Variants in ARHGEF12 observed in about 807,000 individuals in gnomAD.
ARHGEF12 encodes the protein KMT2A/ARHGEF12 fusion protein.
A neutral mutation model predicts 211.2 loss-of-function variants in ARHGEF12; 66 were observed. The observed-to-expected ratio is 0.31, with a 90% confidence interval of 0.26 to 0.38. ARHGEF12 has a LOEUF of 0.38. Among genes scored for constraint, ARHGEF12 ranks in the 10% least tolerant of loss-of-function variants. The probability of loss-of-function intolerance (pLI) is 1.00; values close to 1 mark genes in which losing one functional copy is unlikely to be tolerated. For synonymous variants in ARHGEF12, 592 were observed against 638.4 expected, an observed-to-expected ratio of 0.93 and a Z score of 1.09; for missense variants, 1,429 against 1,869.5, an observed-to-expected ratio of 0.76 and a Z score of 4.34.
In ARHGEF12 at chr11:120,407,837, C is replaced by T. The variant is rs1163200450; in HGVS notation, c.142+14C>T. The T allele has an allele frequency of 6.2e-7, 1 of 1,607,304 alleles. No homozygotes were observed. Among genetic ancestry groups the T allele is most frequent in the Non-Finnish European group, 8.5e-7 (1 of 1,174,362 alleles). Reference sequence around the variant, plus strand: ...TTGACCCCACAGGTAAAACACTATTCATTCTTTCAAAGAGTATTGAGAGTA... The same window carrying T: ...TTGACCCCACAGGTAAAACACTATTTATTCTTTCAAAGAGTATTGAGAGTA... On this transcript the variant is annotated intron_variant, in intron 3 of 40. Coordinates refer to ENST00000397843, the MANE Select transcript of ARHGEF12 (RefSeq NM_015313.3).
intron 1 of ARHGEF12, among the ~76,000 whole-genome samples, chr11:120,369,125 CTTT>C: frequency 7.9e-6 from 1 of 127,296 alleles, no homozygotes; most frequent in African/African-American, 2.9e-5. Flanking sequence ...TTCTTTTCTT[CTTT>C]TTTTTTTTTT....
intron 1 of ARHGEF12, among the ~76,000 whole-genome samples, chr11:120,394,151 G>A (rs991233660): frequency 1.3e-5 from 2 of 151,718 alleles, no homozygotes; most frequent in African/African-American, 4.8e-5. Context: ...TGCCATTAAA[G>A]CATTACATAA....
intron 4 of ARHGEF12, among the ~76,000 whole-genome samples, chr11:120,419,005 G>T (rs960552538): frequency 1.3e-5 from 2 of 149,376 alleles, no homozygotes; most frequent in African/African-American, 2.5e-5. Flanking sequence ...ACAGAGTCTC[G>T]CTCTGTCGCC....
At chr11:120,366,433 C>CA (rs138834307) in intron 1 of ARHGEF12, among the ~76,000 whole-genome samples, 1,672 of 152,284 alleles carry the variant, frequency 0.011, 31 homozygotes, top group African/African-American at 0.038. Flanking sequence ...GCTGGGGTTA[C>CA]AGGCGTGAGC....
chr11:120,365,934 T>C (rs1268992199), intron 1 of ARHGEF12: 1 of 152,206 alleles, frequency 6.6e-6, no homozygotes, highest in Non-Finnish European at 1.5e-5. Flanking sequence ...AATTCTCCAT[T>C]ATAAGACTTT....
rs1317873761 is a variant in ARHGEF12 at position 120,450,298 on chromosome 11, G to GGA, written c.1843+1086_1843+1087dup. ...CTGAGGTAGTATTGCTTTAGTCTGG[G>GGA]GAGTCCAGGCTGCTGTGAGCCATCA... On this transcript the variant is annotated intron_variant, in intron 21 of 40. Coordinates refer to ENST00000397843, the MANE Select transcript of ARHGEF12 (RefSeq NM_015313.3). 16 of 150,874 alleles carry GGA rather than the reference G, an allele frequency of 1.1e-4. No homozygotes were observed. In the Admixed American group the frequency reaches 1.1e-3, roughly 10 times the overall value. The allele number at this position is 150,874 out of a possible 1,614,324, so 9.3% of individuals were successfully genotyped here. A position where few individuals can be genotyped will look rare whatever the true frequency, so the allele number is the denominator to read the frequency against.
chr11:120,474,501 A>G (rs1229888895), intron 31 of ARHGEF12, 59 bp from the exon 32 acceptor site: 1 of 1,203,838 alleles, frequency 8.3e-7, no homozygotes, highest in Non-Finnish European at 1.2e-6. Context: ...TATTATATAG[A>G]TAATCATGTT....
intron 1 of ARHGEF12, among the ~76,000 whole-genome samples, chr11:120,388,552 T>C (rs1223059334): frequency 6.6e-6 from 1 of 152,222 alleles, no homozygotes; most frequent in Non-Finnish European, 1.5e-5. Context: ...CAGACTGTTT[T>C]TCCAGGTGAC....
chr11:120,458,559 A>C (rs1036314157), intron 25 of ARHGEF12: 4 of 275,352 alleles, frequency 1.5e-5, no homozygotes, highest in African/African-American at 9.3e-5. Flanking sequence ...AAGCCCAGGG[A>C]GATTGAATTC....
intron 1 of ARHGEF12, among the ~76,000 whole-genome samples, chr11:120,391,130 A>G (rs1944204091): frequency 6.6e-6 from 1 of 152,160 alleles, no homozygotes; most frequent in Non-Finnish European, 1.5e-5. Context: ...TCACCTAACC[A>G]TTCTTCCCAA....
At chr11:120,476,820 T>TA in intron 34 of ARHGEF12, 72 bp downstream of exon 34, 1 of 1,250,968 alleles carries the variant, frequency 8.0e-7, no homozygotes, top group Non-Finnish European at 1.1e-6. Flanking sequence ...TCCATAAACT[T>TA]AACTTTGTTT....
In ARHGEF12 at chr11:120,488,319, C is replaced by T. The variant is rs1265130553; in HGVS notation, c.*3242C>T. On this transcript the variant is annotated 3_prime_UTR_variant, in exon 41 of 41. Transcript: ENST00000397843. ...AGAGCTTTGGTCAGTATTTCCTTCCCTATATGTCACAGAGGGCACCACTGA... is the reference window on the plus strand; with the variant it reads ...AGAGCTTTGGTCAGTATTTCCTTCCTTATATGTCACAGAGGGCACCACTGA... 4 of 213,926 alleles carry T rather than the reference C, an allele frequency of 1.9e-5. No individual in the cohort carries two copies. Among genetic ancestry groups the T allele is most frequent in the South Asian group, 3.8e-4 (2 of 5,290 alleles). The allele number at this position is 213,926 out of a possible 1,614,324, so 13.3% of individuals were successfully genotyped here. A position where few individuals can be genotyped will look rare whatever the true frequency, so the allele number is the denominator to read the frequency against.
At chr11:120,365,156 ATGT>A (rs1943389408) in intron 1 of ARHGEF12, among the ~76,000 whole-genome samples, 1 of 152,026 alleles carries the variant, frequency 6.6e-6, no homozygotes, top group Non-Finnish European at 1.5e-5. Context: ...TCACACTCAT[ATGT>A]TGTTTTCTAG....
chr11:120,474,645 A>G lies in ARHGEF12; in HGVS notation c.3109+10A>G. The stretch of plus-strand genomic sequence containing the variant: ...AGAGATAAAACTATTGGTAGGTCTG[A>G]TATTGTCTTTTAGTTTTGGGGAGAG... On this transcript the variant is annotated intron_variant, in intron 32 of 40. Transcript: ENST00000397843. The G allele has an allele frequency of 6.3e-7, 1 of 1,599,536 alleles. No homozygotes were observed. The highest frequency in any genetic ancestry group is 8.5e-7 in the Non-Finnish European group (1 of 1,175,056).
At chr11:120,452,087 A>G (rs751214184) in intron 22 of ARHGEF12, among the ~76,000 whole-genome samples, 1 of 152,214 alleles carries the variant, frequency 6.6e-6, no homozygotes, top group Non-Finnish European at 1.5e-5. Flanking sequence ...TATTGAGGGA[A>G]CTGGTCAGTA....
At position 120,420,857 on chromosome 11, in the gene ARHGEF12, G is replaced by A. The variant is rs1945163619; in HGVS notation, c.298+6G>A. On this transcript the variant is annotated splice_donor_region_variant and intron_variant, in intron 5 of 40. Coordinates refer to ENST00000397843, the MANE Select transcript of ARHGEF12 (RefSeq NM_015313.3). ...CGTACAGTCTGTCAAAGAAGGCAAGGCATTTTAAAAAACAATTTATCACTC... is the reference window on the plus strand; with the variant it reads ...CGTACAGTCTGTCAAAGAAGGCAAGACATTTTAAAAAACAATTTATCACTC... 9.3e-6 allele frequency: 15 copies of A among 1,611,984 alleles called. No homozygotes were observed. The highest frequency in any genetic ancestry group is 1.3e-5 in the African/African-American group (1 of 74,880).
At chr11:120,444,062 A>G (rs146839834) in intron 15 of ARHGEF12, among the ~76,000 whole-genome samples, 1,843 of 152,240 alleles carry the variant, frequency 0.012, 43 homozygotes, top group African/African-American at 0.04. Context: ...TATAAGTTTT[A>G]TTAGGCCAGA....
At chr11:120,352,034 A>G (rs1455858091) in intron 1 of ARHGEF12, among the ~76,000 whole-genome samples, 1 of 152,178 alleles carries the variant, frequency 6.6e-6, no homozygotes, top group African/African-American at 2.4e-5. Flanking sequence ...AGATCAATCA[A>G]TTGGATGAAA....
chr11:120,460,695 G>A lies in ARHGEF12; in HGVS notation c.2551G>A (p.Ala851Thr), dbSNP rs970812997. The change falls in exon 27 of 41, where the codon GCT (alanine) becomes ACT (threonine). Residue 851 changes from alanine (A) to threonine (T), a missense_variant. Coordinates refer to ENST00000397843, the MANE Select transcript of ARHGEF12 (RefSeq NM_015313.3). Reference sequence around the variant, plus strand: ...AGTTGGATTGAATGAACAAATGAAGGCTGTTCGAAAGAGAAATGAGACCTC... The same window carrying A: ...AGTTGGATTGAATGAACAAATGAAGACTGTTCGAAAGAGAAATGAGACCTC... ...LHIGLNEQMK[A>T]VRKRNETSVI... 8.7e-6 allele frequency: 14 copies of A among 1,613,660 alleles called. No individual in the cohort carries two copies. Among genetic ancestry groups the A allele is most frequent in the Middle Eastern group, 1.6e-4 (1 of 6,082 alleles).
Sources: allele counts gnomAD v4.1 joint callset (sites outside exome capture counted in the v4.1 genomes callset), GRCh38; gene constraint gnomAD v4.1.1; transcripts MANE v1.5; gene names NCBI Gene and HGNC (gene_info 2026-07-23, HGNC 2026-07-21).